Variants in NRXN3 observed in about 807,000 individuals in gnomAD.
NRXN3 encodes the protein neurexin 3.
Under a neutral mutation model 137.6 loss-of-function variants are expected in NRXN3, and 32 were observed. The ratio of observed to expected loss-of-function variants is 0.23; its 90% CI spans 0.18 to 0.31. The LOEUF (loss-of-function observed/expected upper bound fraction) is 0.31. Ranked by LOEUF, NRXN3 falls within the 10% of genes least tolerant of loss-of-function variation. NRXN3 has a pLI of 1.00. For missense variants in NRXN3, 1,574 were observed against 2,062.5 expected (o/e 0.76, Z 4.59); for synonymous variants, 798 against 784.5 (o/e 1.02, Z -0.29).
chr14:79,670,631 G>A (rs971295014), intron 17 of NRXN3, among the ~76,000 whole-genome samples: 2 of 152,072 alleles, frequency 1.3e-5, no homozygotes, highest in Non-Finnish European at 2.9e-5. Flanking sequence ...ATATTTGTAT[G>A]CTCTGACAGC....
intron 1 of NRXN3, among the ~76,000 whole-genome samples, chr14:78,232,865 G>A (rs1326330215): frequency 3.3e-5 from 5 of 152,238 alleles, no homozygotes; most frequent in African/African-American, 1.2e-4. Flanking sequence ...GGAGGAGGGG[G>A]TGAGAGAAGG....
At chr14:79,807,746 G>A (rs1026525367) in intron 20 of NRXN3, among the ~76,000 whole-genome samples, 2 of 152,132 alleles carry the variant, frequency 1.3e-5, no homozygotes, top group African/African-American at 2.4e-5. Context: ...GCTCTAGGAG[G>A]CTGATATTGA....
At chr14:78,292,317 T>G (rs2075881258) in intron 3 of NRXN3, among the ~76,000 whole-genome samples, 1 of 152,246 alleles carries the variant, frequency 6.6e-6, no homozygotes, top group African/African-American at 2.4e-5. Flanking sequence ...ACGTGTACTT[T>G]GCATATAATT....
chr14:78,380,277 C>T (rs964637615), intron 4 of NRXN3, among the ~76,000 whole-genome samples: 8 of 123,122 alleles, frequency 6.5e-5, no homozygotes, highest in Non-Finnish European at 1.1e-4. Context: ...GTCCGCAGTC[C>T]GGCCTGGGCG....
At chr14:78,236,732 C>CT (rs1033940571) in intron 1 of NRXN3, among the ~76,000 whole-genome samples, 1 of 141,056 alleles carries the variant, frequency 7.1e-6, no homozygotes, top group Non-Finnish European at 1.6e-5. Context: ...GTATTATTCC[C>CT]CCCCCCCTTT....
intron 10 of NRXN3, among the ~76,000 whole-genome samples, chr14:78,867,979 A>C (rs2099091507): frequency 1.3e-5 from 2 of 148,516 alleles, no homozygotes; most frequent in South Asian, 4.2e-4. Flanking sequence ...TTATAAAATT[A>C]CAAAAATGAT....
chr14:78,860,459 AG>A (rs1472260614), intron 10 of NRXN3, among the ~76,000 whole-genome samples: 7 of 152,160 alleles, frequency 4.6e-5, no homozygotes. Context: ...AGGAGAGGCA[AG>A]GAGACATTTT....
intron 10 of NRXN3, among the ~76,000 whole-genome samples, chr14:78,911,762 G>A (rs2099238475): frequency 6.6e-6 from 1 of 152,088 alleles, no homozygotes. Flanking sequence ...TGATACACAA[G>A]TAAGAATAAA....
At chr14:79,726,055 C>A (rs748161666) in intron 19 of NRXN3, among the ~76,000 whole-genome samples, 3 of 152,120 alleles carry the variant, frequency 2.0e-5, no homozygotes, top group African/African-American at 7.2e-5. Context: ...TTCCTACTAT[C>A]TTTTCAAAGG....
intron 4 of NRXN3, among the ~76,000 whole-genome samples, chr14:78,428,833 T>C (rs762263014): frequency 6.6e-6 from 1 of 152,186 alleles, no homozygotes; most frequent in Non-Finnish European, 1.5e-5. Flanking sequence ...ATGAAGCCTA[T>C]GCACAGTCAA....
chr14:79,742,856 G>C (rs1004579200), intron 19 of NRXN3, among the ~76,000 whole-genome samples: 1 of 152,204 alleles, frequency 6.6e-6, no homozygotes, highest in Non-Finnish European at 1.5e-5. Flanking sequence ...GAAGTATACT[G>C]TAATTCCCAA....
At chr14:78,707,907 G>A (rs2098370345) in intron 6 of NRXN3, among the ~76,000 whole-genome samples, 1 of 152,136 alleles carries the variant, frequency 6.6e-6, no homozygotes, top group Non-Finnish European at 1.5e-5. Context: ...TGGCTGAGTA[G>A]TATTCATATA....
intron 10 of NRXN3, among the ~76,000 whole-genome samples, chr14:78,936,826 C>T (rs2099341376): frequency 6.6e-6 from 1 of 152,098 alleles, no homozygotes; most frequent in Non-Finnish European, 1.5e-5. Flanking sequence ...GTTATCATTC[C>T]ATTGCTAGTT....
intron 15 of NRXN3, among the ~76,000 whole-genome samples, chr14:79,410,652 G>C (rs1177152502): frequency 6.6e-6 from 1 of 152,024 alleles, no homozygotes; most frequent in African/African-American, 2.4e-5. Context: ...TTTGCCATTT[G>C]TGAAGTGGAA....
At chr14:78,591,242 C>T (rs1247730062) in intron 4 of NRXN3, among the ~76,000 whole-genome samples, 4 of 152,192 alleles carry the variant, frequency 2.6e-5, no homozygotes, top group Non-Finnish European at 5.9e-5. Flanking sequence ...TATGTGTGCA[C>T]ATGGACAGTG....
At chr14:79,037,426 A>C (rs1310665477) in intron 15 of NRXN3, among the ~76,000 whole-genome samples, 2 of 152,126 alleles carry the variant, frequency 1.3e-5, no homozygotes, top group Non-Finnish European at 2.9e-5. Flanking sequence ...TCTGAGTACC[A>C]CTTCCTCCCT....
chr14:78,598,905 A>C (rs1483343191), intron 4 of NRXN3, among the ~76,000 whole-genome samples: 4 of 151,660 alleles, frequency 2.6e-5, no homozygotes, highest in Admixed American at 6.6e-5. Flanking sequence ...GAAGGTTAGA[A>C]CTCTGGTCTC....
intron 2 of NRXN3, among the ~76,000 whole-genome samples, chr14:78,249,657 C>T (rs1481492160): frequency 1.3e-5 from 2 of 152,134 alleles, no homozygotes; most frequent in Non-Finnish European, 2.9e-5. Context: ...CTTCCTTACA[C>T]AAAATAATAA....
chr14:79,163,079 G>A (rs971513106), intron 15 of NRXN3, among the ~76,000 whole-genome samples: 1 of 151,848 alleles, frequency 6.6e-6, no homozygotes, highest in East Asian at 1.9e-4. Context: ...GTCTTTATGG[G>A]CTTCACTTTG....
Sources: gnomAD v4.1 joint callset for allele counts (sites outside exome capture counted in the v4.1 genomes callset) on GRCh38, gnomAD v4.1.1 for gene constraint, MANE v1.5 for transcripts, NCBI Gene and HGNC (gene_info 2026-07-23, HGNC 2026-07-21) for gene names.